Variants in EDA observed in about 807,000 individuals in gnomAD.
EDA encodes the protein ectodysplasin-A.
Under a neutral mutation model 23.6 loss-of-function variants are expected in EDA, and 2 were observed. That is an observed-to-expected ratio of 0.08 (90% CI 0.03 to 0.27). The LOEUF (loss-of-function observed/expected upper bound fraction) is 0.27. Ranked by LOEUF, EDA falls within the 10% of genes least tolerant of loss-of-function variation. The pLI is 1.00. For synonymous variants in EDA, 131 were observed against 132.0 expected, an observed-to-expected ratio of 0.99 and a Z score of 0.05; for missense variants, 229 against 324.2, an observed-to-expected ratio of 0.71 and a Z score of 2.26.
chrX:69,977,478 C>G (rs1250988218), intron 2 of EDA, among the ~76,000 whole-genome samples: 1 of 111,719 alleles, frequency 9.0e-6, no homozygotes, highest in Non-Finnish European at 1.9e-5. Flanking sequence ...TCAGAAAATA[C>G]TTATTAACAA....
intron 1 of EDA, among the ~76,000 whole-genome samples, chrX:69,922,167 A>G (rs1197514985): frequency 6.2e-5 from 7 of 112,431 alleles, no homozygotes; most frequent in Admixed American, 1.9e-4. Context: ...ATAGAATTCT[A>G]TTATATGGAT....
chrX:69,712,603 A>G (rs962339880), intron 1 of EDA, among the ~76,000 whole-genome samples: 8 of 111,353 alleles, frequency 7.2e-5, no homozygotes, highest in African/African-American at 1.6e-4. Context: ...ACACTTTTAC[A>G]CTGTTGGTGG....
intron 3 of EDA, among the ~76,000 whole-genome samples, chrX:70,025,191 G>A (rs1310433092): frequency 1.8e-5 from 2 of 110,984 alleles, no homozygotes; most frequent in African/African-American, 6.6e-5. Context: ...TGTTTTCACT[G>A]CAACCATTAG....
At chrX:70,030,628 T>C in intron 6 of EDA, 108 bp downstream of exon 6, 1 of 733,854 alleles carries the variant, frequency 1.4e-6, no homozygotes, top group Admixed American at 2.6e-5. Context: ...TGAGGTACCG[T>C]TGGCATACGA....
chrX:69,721,642 A>G (rs757506743), intron 1 of EDA, among the ~76,000 whole-genome samples: 1 of 110,757 alleles, frequency 9.0e-6, no homozygotes, highest in African/African-American at 3.3e-5. Flanking sequence ...TTAGGAGAGG[A>G]ATGAGCCCAC....
intron 1 of EDA, among the ~76,000 whole-genome samples, chrX:69,683,898 A>G (rs918968935): frequency 8.9e-6 from 1 of 112,560 alleles, no homozygotes; most frequent in Non-Finnish European, 1.9e-5. Flanking sequence ...TGCAGAAAAA[A>G]TAGATTTGTC....
At chrX:69,798,294 A>G (rs917368959) in intron 1 of EDA, among the ~76,000 whole-genome samples, 1 of 111,772 alleles carries the variant, frequency 8.9e-6, no homozygotes, top group Admixed American at 9.5e-5. Flanking sequence ...TTGGATTTAA[A>G]CTGAACTCTA....
chrX:70,018,505 G>A (rs1422305841), intron 2 of EDA, among the ~76,000 whole-genome samples: 1 of 111,690 alleles, frequency 9.0e-6, no homozygotes, highest in African/African-American at 3.3e-5. Context: ...CAATGGAATA[G>A]AATAGGTAGC....
At chrX:70,009,772 A>T (rs964506439) in intron 2 of EDA, among the ~76,000 whole-genome samples, 1 of 110,945 alleles carries the variant, frequency 9.0e-6, no homozygotes, top group African/African-American at 3.3e-5. Flanking sequence ...TTTTTAGTAG[A>T]GACAGGGTTT....
intron 1 of EDA, among the ~76,000 whole-genome samples, chrX:69,731,311 G>A (rs2013016101): frequency 9.0e-6 from 1 of 111,319 alleles, no homozygotes; most frequent in South Asian, 3.7e-4. Flanking sequence ...CCAGCTATTG[G>A]CTTCATTGAC....
At chrX:69,765,030 A>G (rs2014429057) in intron 1 of EDA, among the ~76,000 whole-genome samples, 2 of 111,983 alleles carry the variant, frequency 1.8e-5, no homozygotes, top group South Asian at 7.5e-4. Flanking sequence ...TGATTCTTAA[A>G]CTGTTTAGCT....
At position 69,882,383 on chromosome X, in the gene EDA, G is replaced by A. The variant is rs2017761134; in HGVS notation, c.397-74644G>A. Reference sequence around the variant, plus strand: ...TCTCACTCCAGACTGCTCTGCAAATGTGGATAGAGTACACCAGCACCCAGT... The same window carrying A: ...TCTCACTCCAGACTGCTCTGCAAATATGGATAGAGTACACCAGCACCCAGT... On this transcript the variant is annotated intron_variant, in intron 1 of 7. Transcript: ENST00000374552. Among the ~76,000 whole-genome samples, 8 of 112,033 alleles carry A rather than the reference G, an allele frequency of 7.1e-5. No individual in the cohort carries two copies. In the Admixed American group the frequency reaches 7.5e-4, roughly 11 times the overall value.
At chrX:69,971,543 C>T (rs1214663635) in intron 2 of EDA, among the ~76,000 whole-genome samples, 2 of 111,523 alleles carry the variant, frequency 1.8e-5, no homozygotes, top group Non-Finnish European at 3.8e-5. Flanking sequence ...TCAAGCCAGT[C>T]CCCCTCCTTG....
chrX:69,924,687 T>G (rs907420354), intron 1 of EDA, among the ~76,000 whole-genome samples: 1 of 112,175 alleles, frequency 8.9e-6, no homozygotes, highest in Non-Finnish European at 1.9e-5. Flanking sequence ...CTGTGAGGAA[T>G]GTCAATGGTA....
chrX:69,789,427 C>T (rs182678233), intron 1 of EDA, among the ~76,000 whole-genome samples: 6 of 112,204 alleles, frequency 5.3e-5, no homozygotes, highest in Admixed American at 9.4e-5. Flanking sequence ...ATGAAATCAG[C>T]GGAGATAAAT....
At chrX:69,748,774 A>T (rs1048430479) in intron 1 of EDA, among the ~76,000 whole-genome samples, 1 of 111,389 alleles carries the variant, frequency 9.0e-6, no homozygotes, top group African/African-American at 3.3e-5. Context: ...TAAAATAAGG[A>T]TGTAGAGCCT....
intron 2 of EDA, among the ~76,000 whole-genome samples, chrX:69,997,569 T>G (rs888700044): frequency 4.4e-5 from 5 of 112,867 alleles, no homozygotes; most frequent in African/African-American, 1.6e-4. Flanking sequence ...CTGCAGAAAT[T>G]TGCATAAGTA....
intron 1 of EDA, among the ~76,000 whole-genome samples, chrX:69,828,461 T>C (rs2147534134): frequency 8.9e-6 from 1 of 111,992 alleles, no homozygotes; most frequent in Non-Finnish European, 1.9e-5. Context: ...TGACCCGATT[T>C]TCCAGGTGCC....
At chrX:69,682,367 C>T (rs1934392778) in intron 1 of EDA, among the ~76,000 whole-genome samples, 1 of 112,814 alleles carries the variant, frequency 8.9e-6, no homozygotes, top group African/African-American at 3.2e-5. Flanking sequence ...AGCTTCCAGT[C>T]TGCTTTGTTC....
Sources: allele counts gnomAD v4.1 joint callset (sites outside exome capture counted in the v4.1 genomes callset), GRCh38; gene constraint gnomAD v4.1.1; transcripts MANE v1.5; gene names NCBI Gene and HGNC (gene_info 2026-07-23, HGNC 2026-07-21).